Variants in AFG2A observed in about 807,000 individuals in gnomAD.
AFG2A encodes the protein ATPase family gene 2 protein homolog A.
chr4:122,957,297 A>G, the AFG2A span, among the ~76,000 whole-genome samples: 1 of 152,210 alleles, frequency 6.6e-6, no homozygotes, highest in African/African-American at 2.4e-5. Context: ...AAACAGTGCT[A>G]TAAAGCAGAC....
At chr4:123,171,692 C>G in the AFG2A span, among the ~76,000 whole-genome samples, 1 of 152,032 alleles carries the variant, frequency 6.6e-6, no homozygotes, top group Non-Finnish European at 1.5e-5. Context: ...CTTTGGAACC[C>G]TACTGTCTAG....
the AFG2A span, among the ~76,000 whole-genome samples, chr4:123,014,408 T>G: frequency 1.3e-5 from 2 of 152,188 alleles, no homozygotes; most frequent in Non-Finnish European, 2.9e-5. Flanking sequence ...TTTTTTTTCT[T>G]ATACTTGTTC....
At chr4:123,028,801 C>T in the AFG2A span, among the ~76,000 whole-genome samples, 2 of 152,140 alleles carry the variant, frequency 1.3e-5, no homozygotes, top group Non-Finnish European at 2.9e-5. Flanking sequence ...TGTTATGGTA[C>T]ACTAAATTCT....
the AFG2A span, among the ~76,000 whole-genome samples, chr4:123,015,394 G>C: frequency 1.3e-5 from 2 of 151,812 alleles, no homozygotes; most frequent in Admixed American, 6.6e-5. Flanking sequence ...CTCTTAACGA[G>C]CATGCTGCCT....
At chr4:123,110,270 T>C in the AFG2A span, among the ~76,000 whole-genome samples, 4 of 152,274 alleles carry the variant, frequency 2.6e-5, no homozygotes, top group East Asian at 1.9e-4. Flanking sequence ...GTTTTGGTGA[T>C]AGTTGATTGC....
At chr4:122,963,330 A>G in the AFG2A span, among the ~76,000 whole-genome samples, 1 of 152,214 alleles carries the variant, frequency 6.6e-6, no homozygotes, top group Non-Finnish European at 1.5e-5. Context: ...TATTTGGTAT[A>G]GGAAACTGAG....
chr4:123,252,078 T>C, the AFG2A span, among the ~76,000 whole-genome samples: 7 of 152,184 alleles, frequency 4.6e-5, no homozygotes, highest in Non-Finnish European at 1.0e-4. Flanking sequence ...CATAGGTTTC[T>C]CCTAGATATT....
At chr4:122,953,145 G>C in the AFG2A span, among the ~76,000 whole-genome samples, 1 of 152,066 alleles carries the variant, frequency 6.6e-6, no homozygotes, top group African/African-American at 2.4e-5. Context: ...TTGGCAACTA[G>C]ACTGGTGTCC....
At chr4:122,952,934 A>C in the AFG2A span, among the ~76,000 whole-genome samples, 1 of 151,944 alleles carries the variant, frequency 6.6e-6, no homozygotes, top group Non-Finnish European at 1.5e-5. Flanking sequence ...CATTGGGGGG[A>C]CTGCCTTACT....
the AFG2A span, among the ~76,000 whole-genome samples, chr4:122,966,358 G>A: frequency 2.0e-5 from 3 of 152,080 alleles, no homozygotes; most frequent in Non-Finnish European, 2.9e-5. Context: ...ACCTACAAAC[G>A]AAGTAATAGA....
chr4:123,136,842 CAA>C, the AFG2A span, among the ~76,000 whole-genome samples: 47 of 110,408 alleles, frequency 4.3e-4, no homozygotes, highest in African/African-American at 5.8e-4. Flanking sequence ...AACTCCATCT[CAA>C]AAAAAAAAAA....
At chr4:123,069,865 T>C in the AFG2A span, among the ~76,000 whole-genome samples, 1 of 152,192 alleles carries the variant, frequency 6.6e-6, no homozygotes, top group Admixed American at 6.5e-5. Flanking sequence ...CTTAACAATC[T>C]CCTAGTAATA....
the AFG2A span, among the ~76,000 whole-genome samples, chr4:122,999,776 G>C: frequency 6.6e-6 from 1 of 152,154 alleles, no homozygotes; most frequent in African/African-American, 2.4e-5. Context: ...GCTTAGGATT[G>C]ACTTGGCGAT....
the AFG2A span, among the ~76,000 whole-genome samples, chr4:123,065,115 A>G: frequency 6.6e-6 from 1 of 152,298 alleles, no homozygotes; most frequent in Admixed American, 6.5e-5. Context: ...CCAGGATTCC[A>G]GGTGTAGGTA....
chr4:122,961,141 T>C, the AFG2A span, among the ~76,000 whole-genome samples: 1 of 152,236 alleles, frequency 6.6e-6, no homozygotes, highest in Non-Finnish European at 1.5e-5. Flanking sequence ...TTTTAAGAGT[T>C]CTTATGAGGT....
At chr4:123,030,205 T>C in the AFG2A span, among the ~76,000 whole-genome samples, 1 of 152,230 alleles carries the variant, frequency 6.6e-6, no homozygotes, top group Non-Finnish European at 1.5e-5. Flanking sequence ...CCTCATCAGA[T>C]AAGTTTTCGA....
the AFG2A span, among the ~76,000 whole-genome samples, chr4:123,146,564 A>G: frequency 1.6e-4 from 24 of 152,264 alleles, no homozygotes; most frequent in South Asian, 4.8e-3. Context: ...TAGTTATGAA[A>G]CTCAAAATTA....
the AFG2A span, chr4:123,317,771 A>G: frequency 6.6e-6 from 1 of 152,268 alleles, no homozygotes; most frequent in Non-Finnish European, 1.5e-5. Context: ...TTAGAGCTAC[A>G]TATGAAATAG....
the AFG2A span, among the ~76,000 whole-genome samples, chr4:123,129,143 C>A: frequency 6.6e-6 from 1 of 152,096 alleles, no homozygotes; most frequent in African/African-American, 2.4e-5. Context: ...AATTAAAAAT[C>A]TTAAAGGCAA....
Sources: allele counts gnomAD v4.1 joint callset (sites outside exome capture counted in the v4.1 genomes callset), GRCh38; gene constraint gnomAD v4.1.1; transcripts MANE v1.5; gene names NCBI Gene and HGNC (gene_info 2026-07-23, HGNC 2026-07-21).